TBC1D19: variants seen among roughly 807,000 people sequenced by gnomAD.
TBC1D19 encodes the protein TBC1 domain family, member 19.
TBC1D19 carries 60 observed loss-of-function variants against 89.0 expected under a neutral mutation model. The observed-to-expected ratio is 0.67, with a 90% CI of 0.55 to 0.84. TBC1D19 has a LOEUF of 0.84. Among genes scored for constraint, TBC1D19 ranks in the 40% least tolerant of loss-of-function variants. The pLI is 0.00. For synonymous variants in TBC1D19, 189 were observed against 199.7 expected, an observed-to-expected ratio of 0.95 and a Z score of 0.45; for missense variants, 500 against 610.8, an observed-to-expected ratio of 0.82 and a Z score of 1.91.
At chr4:26,830,145 AT>A in the TBC1D19 span, among the ~76,000 whole-genome samples, 2 of 152,176 alleles carry the variant, frequency 1.3e-5, no homozygotes, top group Admixed American at 1.3e-4. Flanking sequence ...TCACATTTGA[AT>A]TTGGAGGAAG....
At chr4:26,819,001 T>A in the TBC1D19 span, among the ~76,000 whole-genome samples, 1 of 152,206 alleles carries the variant, frequency 6.6e-6, no homozygotes, top group Non-Finnish European at 1.5e-5. Context: ...ACACTGTCTA[T>A]GCTTCTGGAA....
chr4:26,585,611 T>C (rs756288162), intron 1 of TBC1D19, among the ~76,000 whole-genome samples: 5 of 150,914 alleles, frequency 3.3e-5, no homozygotes, highest in Non-Finnish European at 5.9e-5. Flanking sequence ...TGAGACGGAG[T>C]CTTCCTCTGT....
At chr4:26,810,622 G>A in the TBC1D19 span, among the ~76,000 whole-genome samples, 3 of 151,960 alleles carry the variant, frequency 2.0e-5, no homozygotes, top group African/African-American at 2.4e-5. Context: ...GCTGTTCTCC[G>A]TGCCAACAGC....
intron 1 of TBC1D19, among the ~76,000 whole-genome samples, chr4:26,586,597 C>T (rs1048668521): frequency 1.6e-4 from 24 of 152,088 alleles, no homozygotes; most frequent in African/African-American, 5.3e-4. Flanking sequence ...CCCATGGACA[C>T]AGTTTATCTT....
the TBC1D19 span, among the ~76,000 whole-genome samples, chr4:26,788,529 T>C: frequency 6.6e-6 from 1 of 152,140 alleles, no homozygotes; most frequent in Non-Finnish European, 1.5e-5. Flanking sequence ...CAGAGCATGA[T>C]TCAGTGATTT....
intron 1 of TBC1D19, among the ~76,000 whole-genome samples, chr4:26,608,593 G>T (rs1374223837): frequency 1.3e-5 from 2 of 152,062 alleles, no homozygotes; most frequent in Non-Finnish European, 2.9e-5. Flanking sequence ...CAACCTTAAA[G>T]TACTGAAAGT....
intron 13 of TBC1D19, among the ~76,000 whole-genome samples, chr4:26,712,464 G>A (rs1481106698): frequency 3.9e-5 from 6 of 151,950 alleles, no homozygotes; most frequent in Non-Finnish European, 8.8e-5. Context: ...CTTTGACCCT[G>A]CTGCTTCTCT....
intron 8 of TBC1D19, among the ~76,000 whole-genome samples, 197 bp from the exon 9 acceptor site, chr4:26,666,131 TTATTC>T (rs1362895312): frequency 6.6e-6 from 1 of 152,012 alleles, no homozygotes; most frequent in Admixed American, 6.6e-5. Context: ...TAATCACTGG[TTATTC>T]TATTCCTTAA....
At chr4:26,624,128 T>G (rs1477637015) in intron 4 of TBC1D19, among the ~76,000 whole-genome samples, 1 of 152,162 alleles carries the variant, frequency 6.6e-6, no homozygotes, top group Non-Finnish European at 1.5e-5. Context: ...CCTGTCCAAG[T>G]GAATCATTTT....
intron 11 of TBC1D19, among the ~76,000 whole-genome samples, chr4:26,679,769 G>A (rs1713168337): frequency 6.6e-6 from 1 of 152,262 alleles, no homozygotes. Flanking sequence ...AAGGCCATGG[G>A]AGTCTACCTC....
the TBC1D19 span, among the ~76,000 whole-genome samples, chr4:26,804,533 T>C: frequency 2.6e-5 from 4 of 152,248 alleles, no homozygotes; most frequent in Non-Finnish European, 4.4e-5. Flanking sequence ...CGCTAGCCTT[T>C]CACCTGGAGG....
At chr4:26,807,851 T>C in the TBC1D19 span, among the ~76,000 whole-genome samples, 1 of 152,236 alleles carries the variant, frequency 6.6e-6, no homozygotes, top group Non-Finnish European at 1.5e-5. Context: ...ACCTATGCTA[T>C]GCGAGGCACC....
chr4:26,620,516 T>A lies in TBC1D19; in HGVS notation c.219-97T>A, dbSNP rs1257873894. 5 of 975,936 alleles carry A rather than the reference T, an allele frequency of 5.1e-6. No homozygotes were observed. In the African/African-American group the frequency reaches 8.2e-5, roughly 16 times the overall value. 60.5% of individuals were successfully genotyped at this position (975,936 alleles called of 1,614,324 possible). A position where few individuals can be genotyped will look rare whatever the true frequency, so the allele number is the denominator to read the frequency against. On this transcript the variant is annotated intron_variant, in intron 3 of 20. Coordinates refer to ENST00000264866, the MANE Select transcript of TBC1D19 (RefSeq NM_018317.4). ...TACATTTTGAATATAAAATGAAATG[T>A]TACTGGGAAAACAGTTTATAACATG...
the TBC1D19 span, among the ~76,000 whole-genome samples, chr4:26,808,115 C>T: frequency 3.4e-4 from 51 of 152,176 alleles, 1 homozygote; most frequent in African/African-American, 1.2e-3. Context: ...TCATTGAGGA[C>T]CCAAAAAATG....
At chr4:26,829,434 A>G in the TBC1D19 span, among the ~76,000 whole-genome samples, 1 of 152,236 alleles carries the variant, frequency 6.6e-6, no homozygotes, top group East Asian at 1.9e-4. Flanking sequence ...TGATTTGCCC[A>G]AGGCCACTTA....
downstream of TBC1D19, among the ~76,000 whole-genome samples, chr4:26,759,094 C>T (rs1719371632): frequency 6.6e-6 from 1 of 152,174 alleles, no homozygotes; most frequent in Admixed American, 6.5e-5. Context: ...TCAGGTATTG[C>T]ATCATCAGGG....
rs1173641270 is a variant in TBC1D19 at position 26,604,148 on chromosome 4, C to CTTTTTTT, written c.100-9004_100-8998dup. ...TAACATGTGTCAGAATTTTCTTTTT[C>CTTTTTTT]TTTTTTTTTTTTTTTTTTTTTTTGA... On this transcript the variant is annotated intron_variant, in intron 1 of 20. Transcript: ENST00000264866. Among the ~76,000 whole-genome samples, 226 of 120,700 alleles carry CTTTTTTT rather than the reference C, an allele frequency of 1.9e-3. 1 individual carries two copies. The highest frequency in any genetic ancestry group is 5.4e-3 in the African/African-American group (148 of 27,520). The allele number at this position is 120,700 out of a possible 152,430, so 79.2% of individuals were successfully genotyped here. A position where few individuals can be genotyped will look rare whatever the true frequency, so the allele number is the denominator to read the frequency against.
At chr4:26,663,334 G>C (rs553113965) in intron 8 of TBC1D19, among the ~76,000 whole-genome samples, 39 of 152,228 alleles carry the variant, frequency 2.6e-4, no homozygotes, top group African/African-American at 9.1e-4. Flanking sequence ...ATTTAATTAA[G>C]AATTAATGAT....
chr4:26,782,156 G>A, the TBC1D19 span, among the ~76,000 whole-genome samples: 1 of 152,120 alleles, frequency 6.6e-6, no homozygotes, highest in Non-Finnish European at 1.5e-5. Flanking sequence ...CCCCGCAGAG[G>A]CAGGATGGAC....
Sources: gnomAD v4.1 joint callset for allele counts (sites outside exome capture counted in the v4.1 genomes callset) on GRCh38, gnomAD v4.1.1 for gene constraint, MANE v1.5 for transcripts, NCBI Gene and HGNC (gene_info 2026-07-23, HGNC 2026-07-21) for gene names.